The following ASAP1 variants were observed in gnomAD, a reference collection of about 807,000 sequenced individuals.
The protein encoded by ASAP1 is arf-GAP with SH3 domain, ANK repeat and PH domain-containing protein 1.
In ASAP1, 43 loss-of-function variants were observed where a neutral mutation model predicts 145.2. The observed-to-expected ratio is 0.30, with a 90% confidence interval of 0.23 to 0.38. The LOEUF (loss-of-function observed/expected upper bound fraction) is 0.38. Ranked by LOEUF, ASAP1 falls within the 10% of genes least tolerant of loss-of-function variation. ASAP1 has a pLI of 1.00. For synonymous variants in ASAP1, 546 were observed against 515.5 expected (o/e 1.06, Z -0.80); for missense variants, 1,018 against 1,355.3 (o/e 0.75, Z 3.91).
intron 25 of ASAP1, among the ~76,000 whole-genome samples, chr8:130,091,173 T>G (rs1239922949): frequency 6.6e-6 from 1 of 152,238 alleles, no homozygotes; most frequent in Non-Finnish European, 1.5e-5. Flanking sequence ...ATTCACTGTA[T>G]GCCAGGCGTG....
intron 3 of ASAP1, among the ~76,000 whole-genome samples, chr8:130,321,089 A>G (rs994982677): frequency 2.6e-5 from 4 of 152,210 alleles, no homozygotes; most frequent in Non-Finnish European, 4.4e-5. Context: ...CCAAGACACA[A>G]TAAGTTTAAT....
intron 12 of ASAP1, among the ~76,000 whole-genome samples, chr8:130,156,064 AAATAT>A: frequency 6.6e-6 from 1 of 152,346 alleles, no homozygotes; most frequent in South Asian, 2.1e-4. Context: ...TATAATGAGA[AAATAT>A]AATAAAGCAA....
chr8:130,393,183 C>T (rs532592012), intron 2 of ASAP1, among the ~76,000 whole-genome samples: 6 of 152,242 alleles, frequency 3.9e-5, no homozygotes, highest in Admixed American at 1.3e-4. Context: ...AGCGGTTTAC[C>T]ATTTTAAATG....
At chr8:130,215,126 T>A (rs1457169480) in intron 4 of ASAP1, among the ~76,000 whole-genome samples, 2 of 152,042 alleles carry the variant, frequency 1.3e-5, no homozygotes, top group Non-Finnish European at 2.9e-5. Flanking sequence ...GGTCTCAAAC[T>A]CCTGACCTTG....
intron 25 of ASAP1, among the ~76,000 whole-genome samples, chr8:130,085,919 T>TG (rs1038960268): frequency 6.6e-6 from 1 of 152,130 alleles, no homozygotes; most frequent in African/African-American, 2.4e-5. Context: ...AATGTAATGC[T>TG]GGGGCTATTT....
At chr8:130,102,791 T>A (rs1440185685) in intron 24 of ASAP1, among the ~76,000 whole-genome samples, 3 of 152,198 alleles carry the variant, frequency 2.0e-5, no homozygotes. Flanking sequence ...GCTCAAGTGA[T>A]CATCTTGCTT....
At chr8:130,113,725 T>C (rs886846594) in intron 23 of ASAP1, among the ~76,000 whole-genome samples, 1 of 152,240 alleles carries the variant, frequency 6.6e-6, no homozygotes, top group Admixed American at 6.5e-5. Flanking sequence ...TAAATTCTCT[T>C]TGTAAGTTTT....
intron 26 of ASAP1, among the ~76,000 whole-genome samples, chr8:130,077,564 T>TTTTG (rs1491392608): frequency 9.2e-6 from 1 of 108,804 alleles, no homozygotes; most frequent in Non-Finnish European, 1.9e-5. Flanking sequence ...TTTTTTTTTT[T>TTTTG]GAGACACAGT....
intron 3 of ASAP1, among the ~76,000 whole-genome samples, chr8:130,245,380 T>C (rs1586672958): frequency 1.3e-5 from 2 of 151,264 alleles, no homozygotes; most frequent in African/African-American, 2.4e-5. Flanking sequence ...AATGGCTGCA[T>C]GGTTCTCAGC....
intron 3 of ASAP1, among the ~76,000 whole-genome samples, chr8:130,307,626 G>A (rs1330181191): frequency 6.6e-6 from 1 of 152,224 alleles, no homozygotes; most frequent in Non-Finnish European, 1.5e-5. Context: ...TCTGCATAGT[G>A]CTGGACAATT....
intron 4 of ASAP1, among the ~76,000 whole-genome samples, chr8:130,235,794 G>A (rs1042035936): frequency 6.6e-6 from 1 of 152,122 alleles, no homozygotes; most frequent in Non-Finnish European, 1.5e-5. Context: ...TTTGGCTAGG[G>A]ATTCCCAGCT....
At chr8:130,220,527 G>A (rs1236141716) in intron 4 of ASAP1, among the ~76,000 whole-genome samples, 1 of 152,128 alleles carries the variant, frequency 6.6e-6, no homozygotes, top group African/African-American at 2.4e-5. Context: ...ATTATTTTGA[G>A]CTTAAAGCAA....
intron 2 of ASAP1, among the ~76,000 whole-genome samples, chr8:130,369,788 A>C (rs1827127459): frequency 6.6e-6 from 1 of 152,248 alleles, no homozygotes; most frequent in African/African-American, 2.4e-5. Context: ...AAAATGGTGG[A>C]GTAGCTTTGA....
intron 3 of ASAP1, among the ~76,000 whole-genome samples, chr8:130,261,578 CA>C (rs1405178536): frequency 3.3e-5 from 5 of 152,058 alleles, no homozygotes; most frequent in African/African-American, 4.8e-5. Flanking sequence ...TAAAGATGAC[CA>C]GGAAGACCTC....
intron 18 of ASAP1, among the ~76,000 whole-genome samples, chr8:130,122,277 C>CT (rs758808069): frequency 1.6e-4 from 25 of 152,194 alleles, no homozygotes; most frequent in Non-Finnish European, 3.4e-4. Context: ...GACAGAAACT[C>CT]TGTCTTGTTT....
chr8:130,158,113 T>G (rs1319376814), intron 12 of ASAP1, among the ~76,000 whole-genome samples: 1 of 152,138 alleles, frequency 6.6e-6, no homozygotes, highest in African/African-American at 2.4e-5. Context: ...TATTTATAAT[T>G]TTAACAAACA....
chr8:130,223,606 T>C (rs944940816), intron 4 of ASAP1, among the ~76,000 whole-genome samples: 1 of 152,118 alleles, frequency 6.6e-6, no homozygotes, highest in African/African-American at 2.4e-5. Flanking sequence ...CTCAGACTCT[T>C]GTCTTCTTAG....
chr8:130,212,380 T>G (rs548747277), intron 5 of ASAP1, among the ~76,000 whole-genome samples: 1 of 152,158 alleles, frequency 6.6e-6, no homozygotes, highest in Admixed American at 6.5e-5. Flanking sequence ...AAAAGGGCTG[T>G]AGCTTGAGGT....
At chr8:130,370,331 C>T (rs1043195364) in intron 2 of ASAP1, among the ~76,000 whole-genome samples, 3 of 152,044 alleles carry the variant, frequency 2.0e-5, no homozygotes, top group South Asian at 4.1e-4. Flanking sequence ...ACAAAAAAAA[C>T]AGAGAGCAGC....
Sources: allele counts gnomAD v4.1 joint callset (sites outside exome capture counted in the v4.1 genomes callset), GRCh38; gene constraint gnomAD v4.1.1; transcripts MANE v1.5; gene names NCBI Gene and HGNC (gene_info 2026-07-23, HGNC 2026-07-21).